ANKRD11: variants seen among roughly 807,000 people sequenced by gnomAD.
The protein encoded by ANKRD11 is ankyrin repeat domain-containing protein 11.
In ANKRD11, 17 loss-of-function variants were observed where a neutral mutation model predicts 195.7. The observed-to-expected ratio is 0.09, with a 90% CI of 0.06 to 0.13. ANKRD11 has a LOEUF of 0.13. Ranked by LOEUF, ANKRD11 falls within the 10% of genes least tolerant of loss-of-function variation. ANKRD11 has a pLI of 1.00. For missense variants in ANKRD11, 3,735 were observed against 3,566.1 expected (o/e 1.05, Z -1.21); for synonymous variants, 1,953 against 1,528.1 (o/e 1.28, Z -6.49).
chr16:89,300,937 C>T (rs1219937572), intron 4 of ANKRD11: 3 of 696,648 alleles, frequency 4.3e-6, no homozygotes, highest in Middle Eastern at 2.3e-4. Context: ...CGTGGCTGCC[C>T]CAGGACAAGC....
chr16:89,366,257 G>T (rs1555553891), intron 2 of ANKRD11, among the ~76,000 whole-genome samples: 1 of 151,574 alleles, frequency 6.6e-6, no homozygotes, highest in Non-Finnish European at 1.5e-5. Flanking sequence ...TGGATTCCAT[G>T]TCTTCTTCTG....
rs375334300 is a variant in ANKRD11 at position 89,346,665 on chromosome 16, G to T, written c.-59-29587C>A. Among the ~76,000 whole-genome samples, 18 of 152,276 alleles carry T rather than the reference G, an allele frequency of 1.2e-4. No individual in the cohort carries two copies. In the East Asian group the frequency reaches 3.3e-3, roughly 28 times the overall value. On this transcript the variant is annotated intron_variant, in intron 2 of 12. Transcript: ENST00000301030. The stretch of plus-strand genomic sequence containing the variant: ...TGAGGGAGGAGGGAAACCAGAGTAG[G>T]AATTTCGAATATTCAAAATTGGAAA...
chr16:89,311,506 C>A lies in ANKRD11; in HGVS notation c.87+5427G>T, dbSNP rs558520213. Among the ~76,000 whole-genome samples the A allele has an allele frequency of 6.9e-4, 105 of 152,102 alleles. No homozygotes were observed. In the South Asian group the frequency reaches 9.4e-3, roughly 14 times the overall value. On this transcript the variant is annotated intron_variant, in intron 3 of 12. Coordinates refer to ENST00000301030, the MANE Select transcript of ANKRD11 (RefSeq NM_013275.6). ...CCTCACACCATATACAAAACATGAA[C>A]CTCTATGCTTACCTCACACCACATA...
intron 1 of ANKRD11, among the ~76,000 whole-genome samples, chr16:89,435,908 G>T (rs1449164868): frequency 6.6e-6 from 1 of 151,998 alleles, no homozygotes; most frequent in African/African-American, 2.4e-5. Context: ...CAATGTGCTG[G>T]TGCCGCCCAT....
intron 1 of ANKRD11, chr16:89,443,498 A>T (rs934017021): frequency 7.9e-5 from 12 of 152,158 alleles, no homozygotes; most frequent in African/African-American, 2.9e-4. Flanking sequence ...GACAAGAGAT[A>T]CACAGGGTGC....
rs763790556 is a variant in ANKRD11, at chr16:89,286,043, C to T, written c.888G>A (p.Ser296=). ...KGTYTSSEES[S]TESSEEEDAP... Reference sequence around the variant, plus strand: ...GCTCAGGTGGCCGTGACTTACCCGTCGAGCTCTCCTCGCTGGAAGTGTAAG... The same window carrying T: ...GCTCAGGTGGCCGTGACTTACCCGTTGAGCTCTCCTCGCTGGAAGTGTAAG... Residue 296 remains serine, a synonymous_variant, in exon 8 of 13, where the codon TCG becomes TCA. Coordinates refer to ENST00000301030, the MANE Select transcript of ANKRD11 (RefSeq NM_013275.6). 91 of 1,614,196 alleles carry T rather than the reference C, an allele frequency of 5.6e-5. 1 individual carries two copies. The South Asian group carries it at 6.4e-4, about 11-fold the overall frequency.
intron 1 of ANKRD11, among the ~76,000 whole-genome samples, chr16:89,435,866 A>G (rs2043196203): frequency 6.6e-6 from 1 of 151,918 alleles, no homozygotes; most frequent in South Asian, 2.1e-4. Context: ...AGGAACAGGA[A>G]GCCTTTTTCA....
intron 2 of ANKRD11, among the ~76,000 whole-genome samples, chr16:89,335,665 C>T (rs1372028771): frequency 6.6e-6 from 1 of 152,240 alleles, no homozygotes; most frequent in Non-Finnish European, 1.5e-5. Context: ...TGTGTCTCTG[C>T]ACCTCAGCTG....
intron 1 of ANKRD11, among the ~76,000 whole-genome samples, chr16:89,448,748 G>A (rs1219213128): frequency 6.6e-6 from 1 of 152,092 alleles, no homozygotes; most frequent in Non-Finnish European, 1.5e-5. Flanking sequence ...CAAAGTCCAA[G>A]ACGAGACGGT....
chr16:89,468,996 T>C (rs1281090840), intron 1 of ANKRD11, among the ~76,000 whole-genome samples: 3 of 152,164 alleles, frequency 2.0e-5, no homozygotes, highest in Admixed American at 2.0e-4. Context: ...AGCAAACTTG[T>C]AATAGAAGGG....
At chr16:89,289,544 C>T (rs944799463) in intron 6 of ANKRD11, among the ~76,000 whole-genome samples, 5 of 152,168 alleles carry the variant, frequency 3.3e-5, no homozygotes, top group South Asian at 2.1e-4. Context: ...CAGTTCTCTC[C>T]GGGTCCCAGG....
At chr16:89,456,385 C>A (rs1467053791) in intron 1 of ANKRD11, among the ~76,000 whole-genome samples, 3 of 151,606 alleles carry the variant, frequency 2.0e-5, no homozygotes, top group Admixed American at 2.0e-4. Context: ...CCTGTCTCTA[C>A]TAAAAATAGA....
At chr16:89,465,902 G>A (rs113335025) in intron 1 of ANKRD11, among the ~76,000 whole-genome samples, 4,303 of 152,188 alleles carry the variant, frequency 0.028, 98 homozygotes, top group Middle Eastern at 0.058. Flanking sequence ...AGTAGAGATG[G>A]GGTTTCACCG....
Position 89,288,615 on chromosome 16 carries a change from C to G in ANKRD11, c.657G>C (p.Gln219His). Residue 219 changes from glutamine (Q) to histidine (H), a missense_variant, in exon 7 of 13, where the codon CAG (glutamine) becomes CAC (histidine). Coordinates refer to ENST00000301030, the MANE Select transcript of ANKRD11 (RefSeq NM_013275.6). ...CNRGYYDVAK[Q>H]LLAAGAEVNT... ...TCACCTCCGCACCTGCAGCCAGCAG[C>G]TGCTTCGCGACGTCGTAGTAGCCCC... The G allele has an allele frequency of 9.3e-6, 15 of 1,614,172 alleles. No individual in the cohort carries two copies. Among genetic ancestry groups the G allele is most frequent in the Non-Finnish European group, 1.3e-5 (15 of 1,180,050 alleles).
intron 1 of ANKRD11, among the ~76,000 whole-genome samples, chr16:89,489,799 CT>C (rs1470136209): frequency 6.9e-6 from 1 of 143,958 alleles, no homozygotes; most frequent in Non-Finnish European, 1.5e-5. Flanking sequence ...CCGGAGCCCC[CT>C]GTCCGCCTCT....
chr16:89,453,810 T>G (rs1403793428), intron 1 of ANKRD11, among the ~76,000 whole-genome samples: 1 of 152,106 alleles, frequency 6.6e-6, no homozygotes, highest in African/African-American at 2.4e-5. Context: ...AAAACATGAC[T>G]GGAGACAGAA....
chr16:89,434,626 A>C (rs2043137969), intron 1 of ANKRD11, among the ~76,000 whole-genome samples: 1 of 152,190 alleles, frequency 6.6e-6, no homozygotes, highest in Non-Finnish European at 1.5e-5. Context: ...TATAAATTCC[A>C]CAACAGATGT....
intron 2 of ANKRD11, among the ~76,000 whole-genome samples, chr16:89,334,169 A>AAAAAAAAAC (rs2038221625): frequency 9.3e-6 from 1 of 107,290 alleles, no homozygotes; most frequent in Non-Finnish European, 1.9e-5. Context: ...AAAAAAAAAA[A>AAAAAAAAAC]AAAACAGAGA....
intron 1 of ANKRD11, among the ~76,000 whole-genome samples, chr16:89,448,008 T>C (rs1343889894): frequency 6.6e-6 from 1 of 151,348 alleles, no homozygotes; most frequent in Admixed American, 6.6e-5. Context: ...TTTCACCATA[T>C]TGGTCAGGCT....
Sources: allele counts gnomAD v4.1 joint callset (sites outside exome capture counted in the v4.1 genomes callset), GRCh38; gene constraint gnomAD v4.1.1; transcripts MANE v1.5; gene names NCBI Gene and HGNC (gene_info 2026-07-23, HGNC 2026-07-21).